The following SLC25A21 variants were observed in gnomAD, a reference collection of about 807,000 sequenced individuals.
The protein encoded by SLC25A21 is solute carrier family 25 member 21, also known as mitochondrial 2-oxodicarboxylate carrier.
A neutral mutation model predicts 43.8 loss-of-function variants in SLC25A21; 47 were observed. That is an observed-to-expected ratio of 1.07 (90% confidence interval 0.85 to 1.37). SLC25A21 has a LOEUF of 1.37. Among genes scored for constraint, SLC25A21 ranks in the 40% most tolerant of loss-of-function variants. SLC25A21 has a pLI of 0.00. For missense variants in SLC25A21, 352 were observed against 350.2 expected, an observed-to-expected ratio of 1.00 and a Z score of -0.04; for synonymous variants, 131 against 121.3, an observed-to-expected ratio of 1.08 and a Z score of -0.52.
chr14:36,789,641 A>G (rs533553159), intron 3 of SLC25A21, among the ~76,000 whole-genome samples: 2 of 145,074 alleles, frequency 1.4e-5, no homozygotes, highest in East Asian at 4.0e-4. Flanking sequence ...GGAGGAAAAA[A>G]GCTTTTCATC....
intron 1 of SLC25A21, among the ~76,000 whole-genome samples, chr14:37,132,306 G>A (rs987902526): frequency 1.3e-5 from 2 of 152,128 alleles, no homozygotes; most frequent in African/African-American, 4.8e-5. Context: ...ACAGCATAGG[G>A]TGAAGGAGAA....
intron 3 of SLC25A21, among the ~76,000 whole-genome samples, chr14:36,793,831 T>C (rs1887576889): frequency 6.6e-6 from 1 of 152,004 alleles, no homozygotes; most frequent in Non-Finnish European, 1.5e-5. Context: ...ATGGCAAGTT[T>C]TGGCTTGGTT....
intron 2 of SLC25A21, among the ~76,000 whole-genome samples, chr14:36,861,260 A>G (rs1890057948): frequency 6.6e-6 from 1 of 152,222 alleles, no homozygotes; most frequent in South Asian, 2.1e-4. Flanking sequence ...TTGTTTGTCT[A>G]AAGAAACTTA....
chr14:36,686,045 A>G (rs948404560), intron 7 of SLC25A21, among the ~76,000 whole-genome samples: 2 of 152,302 alleles, frequency 1.3e-5, no homozygotes, highest in South Asian at 2.1e-4. Flanking sequence ...CCAGAGGGGA[A>G]GCATACCATG....
chr14:36,761,542 G>C lies in SLC25A21; in HGVS notation c.204-26969C>G, dbSNP rs967128981. Among the ~76,000 whole-genome samples the C allele has an allele frequency of 1.3e-5, 2 of 152,358 alleles. 1 individual carries two copies. The highest frequency in any genetic ancestry group is 4.1e-4 in the South Asian group (2 of 4,834). ...CAGTTAATCTGTACAAATTTCCACA[G>C]AGGATCATAGACTACATTTTGTTGA... On this transcript the variant is annotated intron_variant, in intron 3 of 9. Coordinates refer to ENST00000331299, the MANE Select transcript of SLC25A21 (RefSeq NM_030631.4).
At chr14:36,753,967 G>C (rs1885824373) in intron 3 of SLC25A21, among the ~76,000 whole-genome samples, 1 of 150,818 alleles carries the variant, frequency 6.6e-6, no homozygotes, top group Admixed American at 6.7e-5. Context: ...GAGAAAGAGA[G>C]AGAAAAAGCG....
intron 6 of SLC25A21, among the ~76,000 whole-genome samples, chr14:36,722,652 T>G (rs979103859): frequency 9.9e-5 from 15 of 152,146 alleles, no homozygotes; most frequent in Admixed American, 7.2e-4. Flanking sequence ...ATTAAATTAA[T>G]TTCACCTGTT....
chr14:36,825,140 A>G (rs189477968), intron 2 of SLC25A21, among the ~76,000 whole-genome samples: 2 of 152,204 alleles, frequency 1.3e-5, no homozygotes, highest in African/African-American at 4.8e-5. Context: ...GTCTATATTC[A>G]TCTATTCCAT....
intron 2 of SLC25A21, among the ~76,000 whole-genome samples, chr14:36,849,437 T>A (rs921610335): frequency 6.6e-6 from 1 of 152,234 alleles, no homozygotes; most frequent in East Asian, 1.9e-4. Context: ...TATATATTTA[T>A]GTTTCATAAT....
At chr14:36,811,485 T>C (rs928748677) in intron 3 of SLC25A21, among the ~76,000 whole-genome samples, 21 of 152,052 alleles carry the variant, frequency 1.4e-4, no homozygotes, top group South Asian at 6.2e-4. Context: ...GCCCCGTCTC[T>C]ACTAAAAATA....
chr14:36,864,715 C>A (rs971137900), intron 2 of SLC25A21, among the ~76,000 whole-genome samples: 6 of 152,156 alleles, frequency 3.9e-5, no homozygotes, highest in Admixed American at 3.9e-4. Context: ...GTTTATAAAA[C>A]TATGGTTCTA....
chr14:36,844,691 T>C (rs1202944505), intron 2 of SLC25A21, among the ~76,000 whole-genome samples: 10 of 152,130 alleles, frequency 6.6e-5, no homozygotes, highest in Admixed American at 3.9e-4. Context: ...CTGTGAACCA[T>C]GTAAATAGAA....
At chr14:37,151,806 G>A (rs780915685) in intron 1 of SLC25A21, among the ~76,000 whole-genome samples, 19 of 152,238 alleles carry the variant, frequency 1.2e-4, no homozygotes, top group Admixed American at 6.5e-4. Context: ...AGGCCAAGGC[G>A]GGCAGATCAC....
chr14:36,771,483 G>T (rs1401062085), intron 3 of SLC25A21, among the ~76,000 whole-genome samples: 1 of 152,090 alleles, frequency 6.6e-6, no homozygotes, highest in Non-Finnish European at 1.5e-5. Context: ...AGCTTGAGTG[G>T]CAATGAAATA....
At chr14:36,976,170 T>C (rs1342032191) in intron 1 of SLC25A21, among the ~76,000 whole-genome samples, 1 of 152,096 alleles carries the variant, frequency 6.6e-6, no homozygotes, top group East Asian at 1.9e-4. Flanking sequence ...ATCTGCACAG[T>C]GTACAGCAGA....
chr14:36,719,176 G>C (rs1481416786), intron 6 of SLC25A21, among the ~76,000 whole-genome samples: 2 of 152,192 alleles, frequency 1.3e-5, no homozygotes, highest in African/African-American at 4.8e-5. Flanking sequence ...TTCCAGGCTA[G>C]CAGAGAGCAT....
intron 1 of SLC25A21, among the ~76,000 whole-genome samples, chr14:37,101,045 T>A (rs1962807496): frequency 6.6e-6 from 1 of 152,192 alleles, no homozygotes; most frequent in Non-Finnish European, 1.5e-5. Flanking sequence ...TAATCTAATA[T>A]GATGATTTCA....
chr14:37,096,638 T>C lies in SLC25A21; in HGVS notation c.70+75643A>G, dbSNP rs78159494. Among the ~76,000 whole-genome samples, 28 of 152,218 alleles carry C rather than the reference T, an allele frequency of 1.8e-4. 1 individual carries two copies. In the East Asian group the frequency reaches 5.2e-3, roughly 28 times the overall value. On this transcript the variant is annotated intron_variant, in intron 1 of 9. Transcript: ENST00000331299. The stretch of plus-strand genomic sequence containing the variant: ...AATTCTTTTTTTCTGCTTGATCAGT[T>C]CTGTTTCTGAGACACTGTAATGTAT...
intron 1 of SLC25A21, among the ~76,000 whole-genome samples, chr14:36,941,417 A>T (rs2138649580): frequency 6.6e-6 from 1 of 152,244 alleles, no homozygotes; most frequent in East Asian, 1.9e-4. Context: ...CATTGATTGT[A>T]GCTTTAATTT....
Sources: allele counts gnomAD v4.1 joint callset (sites outside exome capture counted in the v4.1 genomes callset), GRCh38; gene constraint gnomAD v4.1.1; transcripts MANE v1.5; gene names NCBI Gene and HGNC (gene_info 2026-07-23, HGNC 2026-07-21).